SPON1: variants seen among roughly 807,000 people sequenced by gnomAD.
SPON1 encodes the protein spondin-1.
In SPON1, 52 loss-of-function variants were observed where a neutral mutation model predicts 111.7. The observed-to-expected ratio is 0.47, with a 90% confidence interval of 0.37 to 0.59. The LOEUF (loss-of-function observed/expected upper bound fraction) is 0.59, where lower values mean the gene tolerates loss of function less well. SPON1 is among the 20% of genes least tolerant of loss of function. The probability of loss-of-function intolerance (pLI) is 0.00; values close to 1 mark genes in which losing one functional copy is unlikely to be tolerated. For synonymous variants in SPON1, 410 were observed against 395.8 expected (o/e 1.04, Z -0.43); for missense variants, 957 against 1,068.5 (o/e 0.90, Z 1.46).
At chr11:14,089,785 G>A (rs1360414344) in intron 5 of SPON1, among the ~76,000 whole-genome samples, 1 of 152,214 alleles carries the variant, frequency 6.6e-6, no homozygotes, top group African/African-American at 2.4e-5. Context: ...GTCTCAGGGA[G>A]AGGGGAGTTT....
At chr11:14,238,509 G>T (rs1044342440) in intron 6 of SPON1, among the ~76,000 whole-genome samples, 3 of 152,132 alleles carry the variant, frequency 2.0e-5, no homozygotes, top group Non-Finnish European at 4.4e-5. Context: ...GGTCAGCGTG[G>T]GGTAAGATTG....
intron 3 of SPON1, among the ~76,000 whole-genome samples, chr11:14,060,539 T>G (rs1554919735): frequency 6.6e-6 from 1 of 152,156 alleles, no homozygotes; most frequent in Non-Finnish European, 1.5e-5. Context: ...GGCAGGAGAA[T>G]TAAACGAGAT....
At chr11:13,994,199 A>G (rs1848253205) in intron 2 of SPON1, among the ~76,000 whole-genome samples, 1 of 152,238 alleles carries the variant, frequency 6.6e-6, no homozygotes, top group African/African-American at 2.4e-5. Flanking sequence ...CTTTGAGTTC[A>G]TAGGAAAACC....
chr11:14,224,373 G>A (rs1554937902), intron 6 of SPON1, among the ~76,000 whole-genome samples: 2 of 152,072 alleles, frequency 1.3e-5, no homozygotes, highest in African/African-American at 2.4e-5. Flanking sequence ...GGACAAGTAG[G>A]CATTACCTAG....
chr11:14,096,361 T>G (rs1487725204), intron 5 of SPON1, among the ~76,000 whole-genome samples: 3 of 152,178 alleles, frequency 2.0e-5, no homozygotes. Flanking sequence ...TTTCCAGCAC[T>G]TTTAGGTACT....
chr11:13,987,747 T>A (rs948579714), intron 2 of SPON1, among the ~76,000 whole-genome samples: 7 of 152,184 alleles, frequency 4.6e-5, no homozygotes, highest in Admixed American at 4.6e-4. Flanking sequence ...AAGGAAGAGG[T>A]CCAGTTTCAG....
intron 6 of SPON1, among the ~76,000 whole-genome samples, chr11:14,176,806 G>A (rs570515352): frequency 6.6e-6 from 1 of 152,238 alleles, no homozygotes; most frequent in South Asian, 2.1e-4. Flanking sequence ...CATAAAAGGG[G>A]TGCCACCGAA....
At position 14,255,730 on chromosome 11, in the gene SPON1, A is replaced by C; in HGVS notation, c.1176A>C (p.Pro392=). ...LDHPQSPFYD[P]EGGSITQVAR... Reference sequence around the variant, plus strand: ...ATCCTCAGAGTCCTTTCTATGACCCAGAGGGTGGGTCCATCACTCAAGTAG... The same window carrying C: ...ATCCTCAGAGTCCTTTCTATGACCCCGAGGGTGGGTCCATCACTCAAGTAG... Residue 392 remains proline, a synonymous_variant, in exon 9 of 16, where the codon CCA becomes CCC. Transcript: ENST00000576479. 1 of 1,613,908 alleles carries C rather than the reference A, an allele frequency of 6.2e-7. No individual in the cohort carries two copies. Among genetic ancestry groups the C allele is most frequent in the Non-Finnish European group, 8.5e-7 (1 of 1,179,850 alleles).
chr11:14,211,078 C>T (rs532202102), intron 6 of SPON1, among the ~76,000 whole-genome samples: 79 of 152,212 alleles, frequency 5.2e-4, no homozygotes, highest in African/African-American at 1.8e-3. Context: ...ATTGTCTTGG[C>T]TATACGGGCT....
intron 5 of SPON1, among the ~76,000 whole-genome samples, chr11:14,106,942 G>A (rs1365137902): frequency 6.6e-6 from 1 of 152,082 alleles, no homozygotes; most frequent in Non-Finnish European, 1.5e-5. Context: ...CTGCCTGCAG[G>A]GAACACATGA....
chr11:13,967,427 A>G (rs1193338236), intron 1 of SPON1, among the ~76,000 whole-genome samples: 4 of 152,146 alleles, frequency 2.6e-5, no homozygotes, highest in Non-Finnish European at 5.9e-5. Flanking sequence ...GCATTTCCCC[A>G]TAAACTAGAG....
At chr11:14,026,901 G>A (rs1564888706) in intron 2 of SPON1, among the ~76,000 whole-genome samples, 1 of 152,136 alleles carries the variant, frequency 6.6e-6, no homozygotes, top group African/African-American at 2.4e-5. Context: ...ATGTAAGTGA[G>A]ACCAGAAACA....
intron 1 of SPON1, among the ~76,000 whole-genome samples, chr11:13,967,531 C>T (rs1218479687): frequency 1.1e-5 from 1 of 92,092 alleles, no homozygotes; most frequent in Non-Finnish European, 2.1e-5. Flanking sequence ...AAAAAAAAAA[C>T]CCAGAAAGAA....
intron 6 of SPON1, among the ~76,000 whole-genome samples, chr11:14,207,127 C>T (rs1848525842): frequency 6.6e-6 from 1 of 152,112 alleles, no homozygotes; most frequent in Non-Finnish European, 1.5e-5. Flanking sequence ...CAAAAACAAG[C>T]AATGGGGAAA....
chr11:14,024,652 G>T (rs889205991), intron 2 of SPON1, among the ~76,000 whole-genome samples: 1 of 152,188 alleles, frequency 6.6e-6, no homozygotes, highest in Non-Finnish European at 1.5e-5. Flanking sequence ...GGCACAGGAT[G>T]GGGGGCATGG....
intron 6 of SPON1, among the ~76,000 whole-genome samples, chr11:14,174,984 A>G (rs1282446021): frequency 6.7e-6 from 1 of 149,108 alleles, no homozygotes; most frequent in African/African-American, 2.5e-5. Context: ...TAGAAGCTCT[A>G]CAAGATAGTT....
chr11:14,151,580 G>A (rs1847788786), intron 6 of SPON1, among the ~76,000 whole-genome samples: 1 of 152,056 alleles, frequency 6.6e-6, no homozygotes, highest in Non-Finnish European at 1.5e-5. Flanking sequence ...TAAGACCCAG[G>A]GTGGGAGACA....
intron 2 of SPON1, among the ~76,000 whole-genome samples, chr11:13,995,551 C>T (rs1339937847): frequency 6.6e-6 from 1 of 152,102 alleles, no homozygotes; most frequent in Admixed American, 6.5e-5. Flanking sequence ...ACGAGAACAG[C>T]ATGGAGAAAA....
chr11:14,222,178 A>G (rs1451775492), intron 6 of SPON1, among the ~76,000 whole-genome samples: 1 of 152,198 alleles, frequency 6.6e-6, no homozygotes, highest in Admixed American at 6.5e-5. Context: ...GCTTTTTCCC[A>G]TTATAACATT....
Sources: allele counts gnomAD v4.1 joint callset (sites outside exome capture counted in the v4.1 genomes callset), GRCh38; gene constraint gnomAD v4.1.1; transcripts MANE v1.5; gene names NCBI Gene and HGNC (gene_info 2026-07-23, HGNC 2026-07-21).